The following PHF6 variants were observed in gnomAD, a reference collection of about 807,000 sequenced individuals.
The protein encoded by PHF6 is PHD-like zinc finger protein.
Under a neutral mutation model 34.0 loss-of-function variants are expected in PHF6, and 7 were observed. That is an observed-to-expected ratio of 0.21 (90% CI 0.12 to 0.39). PHF6 has a LOEUF of 0.39. PHF6 is among the 10% of genes least tolerant of loss of function. PHF6 has a pLI of 1.00. For synonymous variants in PHF6, 89 were observed against 88.4 expected (o/e 1.01, Z -0.04); for missense variants, 128 against 262.8 (o/e 0.49, Z 3.55).
intron 3 of PHF6, among the ~76,000 whole-genome samples, chrX:134,380,759 T>C (rs1360926198): frequency 8.9e-6 from 1 of 112,276 alleles, no homozygotes; most frequent in Non-Finnish European, 1.9e-5. Context: ...CCCAGAATTA[T>C]TGCCAGAATT....
intron 5 of PHF6, among the ~76,000 whole-genome samples, chrX:134,409,281 T>C (rs1346107492): frequency 8.9e-6 from 1 of 111,751 alleles, no homozygotes; most frequent in African/African-American, 3.2e-5. Flanking sequence ...TCTTTTCCAC[T>C]CATCTGAAAT....
intron 8 of PHF6, 132 bp downstream of exon 8, chrX:134,415,252 A>G (rs1425632705): frequency 9.3e-7 from 1 of 1,075,367 alleles, no homozygotes; most frequent in South Asian, 2.0e-5. Context: ...TATATATTTG[A>G]CTTATTTGTA....
At chrX:134,417,500 A>G in intron 9 of PHF6, 198 bp downstream of exon 9, 1 of 406,196 alleles carries the variant, frequency 2.5e-6, no homozygotes, top group South Asian at 3.7e-5. Flanking sequence ...CATCCATCCA[A>G]TATTAGTTAG....
chrX:134,402,911 G>A (rs762136272), intron 5 of PHF6, among the ~76,000 whole-genome samples: 2 of 111,766 alleles, frequency 1.8e-5, no homozygotes, highest in East Asian at 2.8e-4. Flanking sequence ...ATCATGAACC[G>A]TGCCCATGTA....
chrX:134,379,427 C>CTTTTT (rs1257020762), intron 3 of PHF6, among the ~76,000 whole-genome samples: 1 of 51,670 alleles, frequency 1.9e-5, no homozygotes, highest in African/African-American at 7.2e-5. Flanking sequence ...CTTTTCTTTT[C>CTTTTT]TTTTCTTTTT....
intron 5 of PHF6, among the ~76,000 whole-genome samples, chrX:134,396,692 T>C (rs1246900735): frequency 9.0e-6 from 1 of 111,414 alleles, no homozygotes; most frequent in Non-Finnish European, 1.9e-5. Flanking sequence ...AAGCTTTATA[T>C]TTATTGATTT....
At chrX:134,374,060 T>C (rs2077268389) in intron 1 of PHF6, among the ~76,000 whole-genome samples, 1 of 110,703 alleles carries the variant, frequency 9.0e-6, no homozygotes, top group Admixed American at 9.6e-5. Context: ...TGAAGTGTTT[T>C]AGGGGAAGAT....
intron 3 of PHF6, among the ~76,000 whole-genome samples, chrX:134,383,834 CTA>C (rs2124207155): frequency 9.0e-6 from 1 of 111,587 alleles, no homozygotes; most frequent in East Asian, 2.8e-4. Context: ...TTACGCTAGA[CTA>C]TCTTTTAAGC....
intron 3 of PHF6, among the ~76,000 whole-genome samples, chrX:134,389,342 G>C (rs2077344151): frequency 9.0e-6 from 1 of 111,301 alleles, no homozygotes; most frequent in African/African-American, 3.3e-5. Flanking sequence ...ACATGTTTCT[G>C]TCAGGTTAAC....
chrX:134,412,347 A>G, intron 5 of PHF6, among the ~76,000 whole-genome samples: 1 of 111,808 alleles, frequency 8.9e-6, no homozygotes, highest in Non-Finnish European at 1.9e-5. Context: ...AGTTCCCTTA[A>G]TTTATATATA....
intron 3 of PHF6, among the ~76,000 whole-genome samples, chrX:134,390,357 T>C (rs921761060): frequency 1.8e-5 from 2 of 112,059 alleles, no homozygotes; most frequent in East Asian, 5.5e-4. Flanking sequence ...ATATTTTTTA[T>C]TGGTATGTCT....
At chrX:134,425,051 T>C in intron 9 of PHF6, 150 bp from the exon 10 acceptor site, 1 of 590,560 alleles carries the variant, frequency 1.7e-6, no homozygotes, top group Non-Finnish European at 2.8e-6. Context: ...TAGATAAAAA[T>C]GGGTCTGTAA....
intron 5 of PHF6, among the ~76,000 whole-genome samples, chrX:134,404,791 T>G (rs1028411793): frequency 1.8e-5 from 2 of 112,173 alleles, no homozygotes; most frequent in African/African-American, 6.5e-5. Context: ...GCGAAAAGAT[T>G]ACAGCTTACT....
At chrX:134,412,570 T>C (rs1263017104) in intron 5 of PHF6, among the ~76,000 whole-genome samples, 1 of 111,849 alleles carries the variant, frequency 8.9e-6, no homozygotes, top group Non-Finnish European at 1.9e-5. Context: ...AAACTTTCCA[T>C]AGTTTGAGCC....
chrX:134,401,301 A>T (rs896050430), intron 5 of PHF6, among the ~76,000 whole-genome samples: 7 of 111,717 alleles, frequency 6.3e-5, no homozygotes, highest in Non-Finnish European at 1.3e-4. Context: ...ATCATTTAAC[A>T]GTGTGAAGTA....
At position 134,425,270 on chromosome X, in the gene PHF6, C is replaced by T. The variant is rs763426685; in HGVS notation, c.1038C>T (p.Ser346=). 53 of 1,208,340 alleles carry T rather than the reference C, an allele frequency of 4.4e-5. 1 individual carries two copies. In the South Asian group the frequency reaches 8.3e-4, roughly 19 times the overall value. Reference sequence around the variant, plus strand: ...AAGATGAGGAACGAGAGAGTAAAAGCCGAGGAAAAGTAGAAATTGATCAGC... The same window carrying T: ...AAGATGAGGAACGAGAGAGTAAAAGTCGAGGAAAAGTAGAAATTGATCAGC... ...DEEDEERESK[S]RGKVEIDQQQ... is the part of the protein sequence containing the mutation. The change falls in exon 10 of 11, where the codon AGC becomes AGT. Residue 346 remains serine, a synonymous_variant. Transcript: ENST00000370803.
intron 5 of PHF6, among the ~76,000 whole-genome samples, chrX:134,398,840 G>A (rs975506265): frequency 2.7e-5 from 3 of 111,690 alleles, no homozygotes; most frequent in Non-Finnish European, 5.6e-5. Context: ...GCTAAGTGGG[G>A]ATATCAGAGA....
At chrX:134,399,652 T>TACACAC (rs201158134) in intron 5 of PHF6, among the ~76,000 whole-genome samples, 265 of 101,268 alleles carry the variant, frequency 2.6e-3, no homozygotes, top group African/African-American at 8.8e-3. Flanking sequence ...ACCCCTAACA[T>TACACAC]ACACACACAC....
intron 5 of PHF6, among the ~76,000 whole-genome samples, chrX:134,409,738 A>G (rs1176064252): frequency 9.2e-6 from 1 of 108,690 alleles, no homozygotes; most frequent in Admixed American, 9.9e-5. Flanking sequence ...AGGTTGGAGT[A>G]TGAATGATGC....
Sources: gnomAD v4.1 joint callset for allele counts (sites outside exome capture counted in the v4.1 genomes callset) on GRCh38, gnomAD v4.1.1 for gene constraint, MANE v1.5 for transcripts, NCBI Gene and HGNC (gene_info 2026-07-23, HGNC 2026-07-21) for gene names.